Variants in CPNE5 observed in about 807,000 individuals in gnomAD.
CPNE5 encodes the protein copine-5.
CPNE5 carries 42 observed loss-of-function variants against 81.1 expected under a neutral mutation model. The observed-to-expected ratio is 0.52, with a 90% CI of 0.40 to 0.67. CPNE5 has a LOEUF of 0.67. CPNE5 is among the 30% of genes least tolerant of loss of function. The probability of loss-of-function intolerance (pLI) is 0.00; values close to 1 mark genes in which losing one functional copy is unlikely to be tolerated. For missense variants in CPNE5, 612 were observed against 815.5 expected, an observed-to-expected ratio of 0.75 and a Z score of 3.04; for synonymous variants, 313 against 321.5, an observed-to-expected ratio of 0.97 and a Z score of 0.28.
intron 1 of CPNE5, among the ~76,000 whole-genome samples, chr6:36,837,568 G>A (rs10214861): frequency 0.011 from 1,647 of 152,300 alleles, 15 homozygotes; most frequent in African/African-American, 0.028. Context: ...TCCTCAGTAT[G>A]TGAGTGACCC....
At chr6:36,748,402 C>G in intron 14 of CPNE5, 135 bp from the exon 15 acceptor site, 1 of 747,564 alleles carries the variant, frequency 1.3e-6, no homozygotes, top group Non-Finnish European at 2.4e-6. Flanking sequence ...TCATTCATCT[C>G]TTTCTAGTTC....
chr6:36,779,783 C>T lies in CPNE5; in HGVS notation c.529-826G>A, dbSNP rs188237807. 5.8e-3 allele frequency among the ~76,000 whole-genome samples: 889 copies of T among 152,296 alleles called. 10 individuals are homozygous for T. The highest frequency in any genetic ancestry group is 0.021 in the African/African-American group (858 of 41,548). ...CAGCCCCTCAGCTCTCTGGGGCCAA[C>T]GGGGCACTGGGCAGAGATGTCCCTG... is the stretch of plus-strand genomic sequence containing the variant. On this transcript the variant is annotated intron_variant, in intron 8 of 20. Transcript: ENST00000244751.
At chr6:36,814,488 A>G (rs1013074871) in intron 3 of CPNE5, among the ~76,000 whole-genome samples, 2 of 152,232 alleles carry the variant, frequency 1.3e-5, no homozygotes, top group African/African-American at 4.8e-5. Flanking sequence ...ACAGCAACTC[A>G]TGGAGAAAGA....
chr6:36,765,248 TG>T, intron 11 of CPNE5, 86 bp downstream of exon 11: 1 of 1,448,876 alleles, frequency 6.9e-7, no homozygotes, highest in Non-Finnish European at 9.6e-7. Flanking sequence ...GGGGGGAGCC[TG>T]GTCACAGCTC....
At chr6:36,752,313 G>A (rs74451515) in intron 14 of CPNE5, among the ~76,000 whole-genome samples, 12,467 of 152,214 alleles carry the variant, frequency 0.082, 629 homozygotes, top group Non-Finnish European at 0.11. Context: ...TACCCTTAGA[G>A]CCAGGCTCTT....
At position 36,805,817 on chromosome 6, in the gene CPNE5, A is replaced by G. The variant is rs78803381; in HGVS notation, c.184-5747T>C. Among the ~76,000 whole-genome samples, 7 of 152,348 alleles carry G rather than the reference A, an allele frequency of 4.6e-5. No individual in the cohort carries two copies. In the East Asian group the frequency reaches 1.4e-3, roughly 29 times the overall value. On this transcript the variant is annotated intron_variant, in intron 3 of 20. Coordinates refer to ENST00000244751, the MANE Select transcript of CPNE5 (RefSeq NM_020939.2). The stretch of plus-strand genomic sequence containing the variant: ...AAAAGATGGTCCCAAGGGCTCCTAA[A>G]ACCTCTATGACTAAGCTGCATGAAT...
chr6:36,819,773 G>T (rs1420317839), intron 3 of CPNE5, among the ~76,000 whole-genome samples: 3 of 152,056 alleles, frequency 2.0e-5, no homozygotes, highest in African/African-American at 7.3e-5. Context: ...CCCTCTCTTA[G>T]TGGAGACCCC....
chr6:36,745,237 G>T, intron 17 of CPNE5, 87 bp from the exon 18 acceptor site: 1 of 1,429,054 alleles, frequency 7.0e-7, no homozygotes. Context: ...CACTTTGGAG[G>T]GTGACAGCTC....
At chr6:36,767,445 C>T (rs1468910306) in intron 10 of CPNE5, among the ~76,000 whole-genome samples, 1 of 152,226 alleles carries the variant, frequency 6.6e-6, no homozygotes, top group Non-Finnish European at 1.5e-5. Context: ...AGCTGAGGGT[C>T]TGAGCCAGAA....
rs1763566505 is a variant in CPNE5, at chr6:36,741,154, C to T, written c.*1114G>A. The T allele has an allele frequency of 1.3e-5, 2 of 152,212 alleles. No homozygotes were observed. The highest frequency in any genetic ancestry group is 4.8e-5 in the African/African-American group (2 of 41,438). The allele number at this position is 152,212 out of a possible 1,614,324, so 9.4% of individuals were successfully genotyped here. On this transcript the variant is annotated 3_prime_UTR_variant, in exon 21 of 21. Transcript: ENST00000244751. ...GGGGTGATGGGATGAGACAGGGTGA[C>T]CCAAAAGCCAAGGCGGCCTCAAGTA...
chr6:36,786,601 A>C (rs773267483), intron 8 of CPNE5, among the ~76,000 whole-genome samples: 2 of 152,220 alleles, frequency 1.3e-5, no homozygotes, highest in Admixed American at 1.3e-4. Context: ...GACGATTTGG[A>C]TATGAGGATG....
At chr6:36,744,354 G>A (rs571363751) in intron 18 of CPNE5, 29 bp from the exon 19 acceptor site, 4 of 1,559,544 alleles carry the variant, frequency 2.6e-6, no homozygotes, top group Non-Finnish European at 8.7e-7. Flanking sequence ...GGCAGGGAAA[G>A]GTTGGACCCA....
At chr6:36,754,149 T>A (rs1765140215) in intron 13 of CPNE5, 1 of 152,034 alleles carries the variant, frequency 6.6e-6, no homozygotes, top group Non-Finnish European at 1.5e-5. Flanking sequence ...GGCTCTTAGA[T>A]CATCCTGCAG....
At chr6:36,788,424 G>T (rs552266434) in intron 8 of CPNE5, among the ~76,000 whole-genome samples, 3 of 152,226 alleles carry the variant, frequency 2.0e-5, no homozygotes, top group African/African-American at 7.2e-5. Context: ...GTACCGTGAG[G>T]GCTCGAGGCT....
intron 8 of CPNE5, 43 bp downstream of exon 8, chr6:36,791,990 C>G: frequency 6.3e-7 from 1 of 1,577,896 alleles, no homozygotes; most frequent in Non-Finnish European, 8.7e-7. Context: ...CTCCATCACC[C>G]CCACCCCAAC....
At position 36,794,612 on chromosome 6, in the gene CPNE5, G is replaced by C. The variant is rs749739328; in HGVS notation, c.442C>G (p.Pro148Ala). The part of the protein sequence containing the change: ...AFSLNSRTGK[P>A]MPAVSNGGVP... ...TACCCGTTGGACACAGCTGGCATGG[G>C]TTTGCCCGTCCTGGAATTCAGGCTG... The change falls in exon 7 of 21, where the codon CCC becomes GCC. Residue 148 changes from proline (P) to alanine (A), a missense_variant. Transcript: ENST00000244751. 19 of 1,614,028 alleles carry C rather than the reference G, an allele frequency of 1.2e-5. No homozygotes were observed. The highest frequency in any genetic ancestry group is 1.6e-5 in the Non-Finnish European group (19 of 1,180,012).
intron 14 of CPNE5, among the ~76,000 whole-genome samples, chr6:36,749,095 C>G (rs903263999): frequency 7.3e-5 from 11 of 150,854 alleles, no homozygotes; most frequent in African/African-American, 2.4e-4. Context: ...CACCACCACA[C>G]CTGGCTTTTT....
rs143425308 is a variant in CPNE5, at chr6:36,814,492, A to G, written c.183+7622T>C. 5.0e-3 allele frequency among the ~76,000 whole-genome samples: 759 copies of G among 152,336 alleles called. 5 individuals are homozygous for G. Among genetic ancestry groups the G allele is most frequent in the African/African-American group, 0.018 (729 of 41,580 alleles). On this transcript the variant is annotated intron_variant, in intron 3 of 20. Transcript: ENST00000244751. ...AAGCTATTTGGACAGCAACTCATGG[A>G]GAAAGACACAGAAGTCCCCAAACTC...
intron 12 of CPNE5, among the ~76,000 whole-genome samples, chr6:36,760,520 G>A (rs2150407093): frequency 6.6e-6 from 1 of 152,310 alleles, no homozygotes; most frequent in South Asian, 2.1e-4. Flanking sequence ...CCATAAGGGG[G>A]GAGATGATGA....
Sources: allele counts gnomAD v4.1 joint callset (sites outside exome capture counted in the v4.1 genomes callset), GRCh38; gene constraint gnomAD v4.1.1; transcripts MANE v1.5; gene names NCBI Gene and HGNC (gene_info 2026-07-23, HGNC 2026-07-21).